Variants in MECOM observed in about 807,000 individuals in gnomAD.
MECOM encodes the protein MDS1 and EVI1 complex locus.
Under a neutral mutation model 116.3 loss-of-function variants are expected in MECOM, and 13 were observed. The observed-to-expected ratio is 0.11, with a 90% CI of 0.07 to 0.18. The LOEUF is 0.18. Among genes scored for constraint, MECOM ranks in the 10% least tolerant of loss-of-function variants. MECOM has a pLI of 1.00. For synonymous variants in MECOM, 528 were observed against 535.2 expected (o/e 0.99, Z 0.19); for missense variants, 1,299 against 1,509.0 (o/e 0.86, Z 2.31).
chr3:169,129,696 C>T (rs771488302), intron 4 of MECOM, among the ~76,000 whole-genome samples: 3 of 151,996 alleles, frequency 2.0e-5, no homozygotes, highest in Non-Finnish European at 4.4e-5. Flanking sequence ...GCCAGGAGTC[C>T]GAACACAAGC....
At chr3:169,528,329 A>C (rs2109127704) in intron 1 of MECOM, among the ~76,000 whole-genome samples, 1 of 152,346 alleles carries the variant, frequency 6.6e-6, no homozygotes, top group Admixed American at 6.5e-5. Flanking sequence ...ATAGTCTCAA[A>C]CATAGAACAT....
chr3:169,243,736 G>A (rs1755187745), intron 2 of MECOM, among the ~76,000 whole-genome samples: 3 of 152,164 alleles, frequency 2.0e-5, no homozygotes, highest in African/African-American at 7.2e-5. Flanking sequence ...TGGGCAGAGG[G>A]AGAACAGGAT....
At chr3:169,321,125 C>T (rs1183914285) in intron 2 of MECOM, among the ~76,000 whole-genome samples, 1 of 152,168 alleles carries the variant, frequency 6.6e-6, no homozygotes, top group Non-Finnish European at 1.5e-5. Flanking sequence ...ACATTCATAT[C>T]TAAGACACTG....
At chr3:169,559,577 G>A (rs747749376) in intron 1 of MECOM, among the ~76,000 whole-genome samples, 7 of 152,050 alleles carry the variant, frequency 4.6e-5, no homozygotes, top group Non-Finnish European at 7.4e-5. Flanking sequence ...TTATTTGTTT[G>A]GTGGGTGAAA....
chr3:169,090,531 G>A (rs971131211), intron 14 of MECOM, among the ~76,000 whole-genome samples: 2 of 151,868 alleles, frequency 1.3e-5, no homozygotes, highest in Non-Finnish European at 2.9e-5. Flanking sequence ...AATTGATATT[G>A]CTATATATAT....
intron 1 of MECOM, among the ~76,000 whole-genome samples, chr3:169,456,708 G>A (rs567401481): frequency 1.4e-3 from 211 of 152,194 alleles, no homozygotes; most frequent in Middle Eastern, 0.014. Flanking sequence ...TTCCAGAGGT[G>A]CTTTCCATCA....
intron 2 of MECOM, chr3:169,144,888 T>C (rs369472473): frequency 1.2e-5 from 10 of 805,392 alleles, no homozygotes; most frequent in Middle Eastern, 2.2e-4. Flanking sequence ...CTCTGCTGTA[T>C]GCATAACCAC....
chr3:169,604,117 G>C (rs1276781785), intron 1 of MECOM, among the ~76,000 whole-genome samples: 1 of 152,184 alleles, frequency 6.6e-6, no homozygotes, highest in Non-Finnish European at 1.5e-5. Flanking sequence ...CAGCTAGAAA[G>C]AGAAAAGTAT....
chr3:169,585,090 T>A (rs1461502420), intron 1 of MECOM, among the ~76,000 whole-genome samples: 1 of 152,214 alleles, frequency 6.6e-6, no homozygotes, highest in East Asian at 1.9e-4. Flanking sequence ...AGAACATTTT[T>A]AAATATTGGA....
At chr3:169,652,002 A>C (rs1774976742) in intron 1 of MECOM, among the ~76,000 whole-genome samples, 1 of 152,146 alleles carries the variant, frequency 6.6e-6, no homozygotes, top group Admixed American at 6.6e-5. Flanking sequence ...ATTTTGTAAC[A>C]AGAAAAATAT....
intron 5 of MECOM, among the ~76,000 whole-genome samples, chr3:169,123,161 G>A (rs1174358896): frequency 6.6e-6 from 1 of 151,216 alleles, no homozygotes; most frequent in Non-Finnish European, 1.5e-5. Context: ...GCTCACTTGT[G>A]AGCTTAATAC....
intron 2 of MECOM, among the ~76,000 whole-genome samples, chr3:169,241,778 A>AT (rs756501042): frequency 2.0e-5 from 3 of 152,220 alleles, no homozygotes; most frequent in Non-Finnish European, 4.4e-5. Flanking sequence ...GCATCACAAG[A>AT]TATCAAAAGA....
chr3:169,099,993 T>C (rs1722972463), intron 12 of MECOM, among the ~76,000 whole-genome samples: 2 of 152,066 alleles, frequency 1.3e-5, no homozygotes. Context: ...CCCGTTTTTC[T>C]ATAATATACT....
Position 169,271,259 on chromosome 3 carries a change from C to T in MECOM, c.375+109928G>A, listed in dbSNP as rs116784867. 1.5e-3 allele frequency among the ~76,000 whole-genome samples: 225 copies of T among 152,278 alleles called. 1 individual carries two copies. Among genetic ancestry groups the T allele is most frequent in the African/African-American group, 5.2e-3 (215 of 41,546 alleles). On this transcript the variant is annotated intron_variant, in intron 2 of 16. Coordinates refer to ENST00000651503, the MANE Select transcript of MECOM (RefSeq NM_004991.4). Reference sequence around the variant, plus strand: ...GCACAGTACAGCAGGGGTTGCAGCCCCCAGCCCTGAGCACAGCCACGTCTT... The same window carrying T: ...GCACAGTACAGCAGGGGTTGCAGCCTCCAGCCCTGAGCACAGCCACGTCTT...
chr3:169,436,168 T>C (rs1280936352), intron 1 of MECOM, among the ~76,000 whole-genome samples: 1 of 150,696 alleles, frequency 6.6e-6, no homozygotes, highest in East Asian at 2.0e-4. Flanking sequence ...GAGGAAGAAA[T>C]ATCACATTGT....
chr3:169,469,345 T>C (rs1560312984), intron 1 of MECOM, among the ~76,000 whole-genome samples: 2 of 152,188 alleles, frequency 1.3e-5, no homozygotes, highest in Non-Finnish European at 1.5e-5. Context: ...GCAGGGAGTC[T>C]ATATCTACAA....
intron 1 of MECOM, among the ~76,000 whole-genome samples, chr3:169,442,601 G>A (rs1278807870): frequency 1.3e-5 from 2 of 152,118 alleles, no homozygotes; most frequent in African/African-American, 4.8e-5. Flanking sequence ...CATATATTAA[G>A]GAGATTGTAG....
At chr3:169,540,909 G>A (rs1759984594) in intron 1 of MECOM, among the ~76,000 whole-genome samples, 1 of 152,084 alleles carries the variant, frequency 6.6e-6, no homozygotes, top group African/African-American at 2.4e-5. Flanking sequence ...ACACTCCTTG[G>A]CACATCAAAC....
chr3:169,196,673 G>T (rs1748447153), intron 2 of MECOM, among the ~76,000 whole-genome samples: 1 of 151,980 alleles, frequency 6.6e-6, no homozygotes, highest in East Asian at 1.9e-4. Flanking sequence ...AAAGATGCTG[G>T]CAAGGTTGCA....
Sources: allele counts gnomAD v4.1 joint callset (sites outside exome capture counted in the v4.1 genomes callset), GRCh38; gene constraint gnomAD v4.1.1; transcripts MANE v1.5; gene names NCBI Gene and HGNC (gene_info 2026-07-23, HGNC 2026-07-21).